Variants in ZC3H12B observed in about 807,000 individuals in gnomAD.
ZC3H12B encodes the protein probable ribonuclease ZC3H12B.
Under a neutral mutation model 43.9 loss-of-function variants are expected in ZC3H12B, and 7 were observed. The observed-to-expected ratio is 0.16, with a 90% confidence interval of 0.09 to 0.30. The LOEUF (loss-of-function observed/expected upper bound fraction) is 0.30. Ranked by LOEUF, ZC3H12B falls within the 10% of genes least tolerant of loss-of-function variation. ZC3H12B has a pLI of 1.00. For missense variants in ZC3H12B, 475 were observed against 670.2 expected, an observed-to-expected ratio of 0.71 and a Z score of 3.22; for synonymous variants, 222 against 241.7, an observed-to-expected ratio of 0.92 and a Z score of 0.76.
At chrX:65,286,994 T>A in the ZC3H12B span, among the ~76,000 whole-genome samples, 1 of 111,020 alleles carries the variant, frequency 9.0e-6, no homozygotes, top group African/African-American at 3.3e-5. Flanking sequence ...ATATAACAAT[T>A]ATAAATATGT....
chrX:65,212,012 A>C, the ZC3H12B span, among the ~76,000 whole-genome samples: 2 of 66,529 alleles, frequency 3.0e-5, no homozygotes, highest in East Asian at 1.0e-3. Flanking sequence ...TATACTATAT[A>C]ATATATAATA....
At chrX:65,245,973 A>C in the ZC3H12B span, among the ~76,000 whole-genome samples, 2 of 111,821 alleles carry the variant, frequency 1.8e-5, no homozygotes, top group East Asian at 5.6e-4. Flanking sequence ...AAATCAAACT[A>C]TCCCTGTTTG....
chrX:65,069,849 G>A, the ZC3H12B span, among the ~76,000 whole-genome samples: 1 of 111,518 alleles, frequency 9.0e-6, no homozygotes, highest in Admixed American at 9.5e-5. Flanking sequence ...GATTCAGTTT[G>A]CCTGTATTTT....
chrX:65,040,968 G>A, the ZC3H12B span, among the ~76,000 whole-genome samples: 2 of 111,431 alleles, frequency 1.8e-5, no homozygotes, highest in African/African-American at 3.3e-5. Flanking sequence ...AGTAGAGACC[G>A]GGTTTCACCA....
At chrX:65,192,277 G>T in the ZC3H12B span, among the ~76,000 whole-genome samples, 19 of 111,740 alleles carry the variant, frequency 1.7e-4, no homozygotes, top group Admixed American at 1.9e-4. Context: ...TGTATATTTT[G>T]TTGATTTGGG....
At chrX:65,223,643 C>T in the ZC3H12B span, among the ~76,000 whole-genome samples, 2 of 112,090 alleles carry the variant, frequency 1.8e-5, no homozygotes, top group South Asian at 7.2e-4. Flanking sequence ...ACAATACTAT[C>T]AAAAAGTGGG....
chrX:65,275,205 G>C, the ZC3H12B span, among the ~76,000 whole-genome samples: 1 of 112,711 alleles, frequency 8.9e-6, no homozygotes, highest in Non-Finnish European at 1.9e-5. Context: ...GTTCACTTCA[G>C]GCAGACATGC....
the ZC3H12B span, among the ~76,000 whole-genome samples, chrX:65,354,180 TC>T: frequency 8.9e-6 from 1 of 112,013 alleles, no homozygotes; most frequent in Admixed American, 9.4e-5. Flanking sequence ...AGGAGACACC[TC>T]CCAGCAGGGG....
the ZC3H12B span, among the ~76,000 whole-genome samples, chrX:65,189,671 G>C: frequency 1.9e-5 from 2 of 103,987 alleles, no homozygotes; most frequent in South Asian, 8.7e-4. Flanking sequence ...AAATTTGTTT[G>C]AGTTCATTGT....
chrX:65,142,056 A>T, the ZC3H12B span, among the ~76,000 whole-genome samples: 3 of 112,090 alleles, frequency 2.7e-5, no homozygotes, highest in Admixed American at 9.5e-5. Flanking sequence ...ATCAAGTGGT[A>T]GTTCTACTTT....
At chrX:65,399,526 C>A (rs771516756) in intron 3 of ZC3H12B, among the ~76,000 whole-genome samples, 1 of 111,333 alleles carries the variant, frequency 9.0e-6, no homozygotes, top group Non-Finnish European at 1.9e-5. Flanking sequence ...AAAAGACAGG[C>A]AATAACAAAT....
At chrX:65,088,171 A>G in the ZC3H12B span, among the ~76,000 whole-genome samples, 5 of 111,872 alleles carry the variant, frequency 4.5e-5, no homozygotes, top group Non-Finnish European at 9.4e-5. Context: ...ATTAACATTC[A>G]TAAAATCTTT....
At chrX:65,182,003 A>T in the ZC3H12B span, among the ~76,000 whole-genome samples, 15,958 of 111,530 alleles carry the variant, frequency 0.14, 2,736 homozygotes, top group African/African-American at 0.49. Context: ...GAACCAACCC[A>T]AATGCCCATC....
the ZC3H12B span, among the ~76,000 whole-genome samples, chrX:65,059,619 A>G: frequency 8.1e-5 from 9 of 111,277 alleles, no homozygotes; most frequent in East Asian, 8.6e-4. Context: ...TTTGGTTACT[A>G]TGGCTCTGTA....
chrX:65,237,421 GA>G, the ZC3H12B span, among the ~76,000 whole-genome samples: 19 of 111,809 alleles, frequency 1.7e-4, no homozygotes, highest in African/African-American at 5.5e-4. Flanking sequence ...TTTGTATTCT[GA>G]GACTTTGCTG....
At chrX:65,448,252 G>T (rs915399856) in intron 3 of ZC3H12B, among the ~76,000 whole-genome samples, 1 of 110,557 alleles carries the variant, frequency 9.0e-6, no homozygotes, top group Non-Finnish European at 1.9e-5. Context: ...AAAGATGTTG[G>T]CATGGATGTG....
At chrX:65,420,178 G>T (rs1026971823) in intron 3 of ZC3H12B, among the ~76,000 whole-genome samples, 1 of 111,506 alleles carries the variant, frequency 9.0e-6, no homozygotes, top group African/African-American at 3.3e-5. Flanking sequence ...ATTTGAGTCT[G>T]CCCTGGCAGA....
chrX:65,274,662 A>C, the ZC3H12B span, among the ~76,000 whole-genome samples: 1 of 109,420 alleles, frequency 9.1e-6, no homozygotes, highest in Non-Finnish European at 1.9e-5. Context: ...ATGCCCGTGG[A>C]CCAGTGAAGT....
At chrX:65,119,731 T>C in the ZC3H12B span, among the ~76,000 whole-genome samples, 2 of 111,977 alleles carry the variant, frequency 1.8e-5, no homozygotes, top group African/African-American at 6.5e-5. Flanking sequence ...CATGCCTATG[T>C]CCTGAATGGT....
Sources: gnomAD v4.1 joint callset for allele counts (sites outside exome capture counted in the v4.1 genomes callset) on GRCh38, gnomAD v4.1.1 for gene constraint, MANE v1.5 for transcripts, NCBI Gene and HGNC (gene_info 2026-07-23, HGNC 2026-07-21) for gene names.